DGKB: variants seen among roughly 807,000 people sequenced by gnomAD.
DGKB encodes 90 kDa diacylglycerol kinase.
A neutral mutation model predicts 114.3 loss-of-function variants in DGKB; 67 were observed. The observed-to-expected ratio is 0.59, with a 90% confidence interval of 0.48 to 0.72. The LOEUF (loss-of-function observed/expected upper bound fraction) is 0.72. Ranked by LOEUF, DGKB falls within the 30% of genes least tolerant of loss-of-function variation. DGKB has a pLI of 0.00. For synonymous variants in DGKB, 398 were observed against 323.1 expected, an observed-to-expected ratio of 1.23 and a Z score of -2.49; for missense variants, 907 against 975.2, an observed-to-expected ratio of 0.93 and a Z score of 0.93.
intron 13 of DGKB, among the ~76,000 whole-genome samples, chr7:14,655,530 T>C (rs1247050749): frequency 2.0e-5 from 3 of 151,674 alleles, no homozygotes; most frequent in Non-Finnish European, 3.0e-5. Context: ...AATCCTGTTA[T>C]TGGGTATTTA....
intron 6 of DGKB, among the ~76,000 whole-genome samples, chr7:14,714,963 AT>A (rs2128341551): frequency 6.6e-6 from 1 of 152,290 alleles, no homozygotes; most frequent in Non-Finnish European, 1.5e-5. Flanking sequence ...ATGGGAAGTA[AT>A]AAGTGTGAAG....
At chr7:14,566,872 C>A (rs1267402353) in intron 20 of DGKB, among the ~76,000 whole-genome samples, 1 of 151,702 alleles carries the variant, frequency 6.6e-6, no homozygotes, top group African/African-American at 2.4e-5. Context: ...CAGATCTCTT[C>A]TTAAATGCAT....
At chr7:14,236,565 A>G (rs1792817610) in intron 23 of DGKB, among the ~76,000 whole-genome samples, 1 of 151,986 alleles carries the variant, frequency 6.6e-6, no homozygotes, top group Non-Finnish European at 1.5e-5. Flanking sequence ...ATAGTTCTGT[A>G]ATTTTCGTGA....
chr7:14,672,886 A>C (rs1000312578), intron 13 of DGKB, 43 bp downstream of exon 13: 8 of 1,208,002 alleles, frequency 6.6e-6, no homozygotes, highest in Non-Finnish European at 6.0e-6. Flanking sequence ...CTGATAAGTC[A>C]CAGCAATCCT....
chr7:14,888,987 G>A (rs568994159), intron 1 of DGKB, among the ~76,000 whole-genome samples: 2 of 151,660 alleles, frequency 1.3e-5, no homozygotes, highest in South Asian at 2.1e-4. Context: ...ATGGATTGTA[G>A]CAGCCAGGAA....
Position 14,827,540 on chromosome 7 carries a change from C to T in DGKB, c.70+13654G>A, listed in dbSNP as rs185720818. Among the ~76,000 whole-genome samples, 4 of 152,190 alleles carry T rather than the reference C, an allele frequency of 2.6e-5. 1 individual carries two copies. In the East Asian group the frequency reaches 7.7e-4, roughly 29 times the overall value. On this transcript the variant is annotated intron_variant, in intron 2 of 25. Transcript: ENST00000402815. Reference sequence around the variant, plus strand: ...CTACTCTTTGAAAATGCTGTTTCTACTCCAAAGTCATAACTAACCCATATT... The same window carrying T: ...CTACTCTTTGAAAATGCTGTTTCTATTCCAAAGTCATAACTAACCCATATT...
intron 2 of DGKB, among the ~76,000 whole-genome samples, chr7:14,781,078 T>C (rs1839016252): frequency 6.6e-6 from 1 of 152,252 alleles, no homozygotes; most frequent in South Asian, 2.1e-4. Flanking sequence ...TGGCAATAAG[T>C]ACCTATGGTT....
chr7:14,717,823 A>G, intron 6 of DGKB, among the ~76,000 whole-genome samples: 1 of 152,110 alleles, frequency 6.6e-6, no homozygotes. Flanking sequence ...AACCTCAGAG[A>G]TAGAATAGAT....
chr7:14,270,740 C>T (rs1025850751), intron 23 of DGKB, among the ~76,000 whole-genome samples: 4 of 152,188 alleles, frequency 2.6e-5, no homozygotes, highest in Admixed American at 1.3e-4. Context: ...AAATAGATGT[C>T]CTGAAGGCCT....
At chr7:14,244,822 T>C (rs545015773) in intron 23 of DGKB, among the ~76,000 whole-genome samples, 1 of 152,126 alleles carries the variant, frequency 6.6e-6, no homozygotes, top group East Asian at 1.9e-4. Context: ...CTCTTCTCTA[T>C]GAAAAGTGGT....
chr7:14,676,835 G>A (rs1007281762), intron 12 of DGKB, among the ~76,000 whole-genome samples: 3 of 151,510 alleles, frequency 2.0e-5, no homozygotes, highest in African/African-American at 2.4e-5. Context: ...AACCAATAGC[G>A]CACCAGAGAA....
At chr7:14,825,024 A>ATC (rs1845486006) in intron 2 of DGKB, among the ~76,000 whole-genome samples, 1 of 113,936 alleles carries the variant, frequency 8.8e-6, no homozygotes, top group Admixed American at 9.7e-5. Context: ...ATGTATATAT[A>ATC]TATATATATA....
At chr7:14,701,636 G>GA in intron 7 of DGKB, 45 bp downstream of exon 7, 1 of 1,403,806 alleles carries the variant, frequency 7.1e-7, no homozygotes. Context: ...TTCTTCAGAA[G>GA]AAAATCTTTG....
At chr7:14,667,357 T>C (rs1018144793) in intron 13 of DGKB, among the ~76,000 whole-genome samples, 5 of 151,998 alleles carry the variant, frequency 3.3e-5, no homozygotes, top group African/African-American at 1.2e-4. Flanking sequence ...ACGCTGTATT[T>C]ATAGAGGTCA....
chr7:14,196,464 C>G (rs932142450), intron 23 of DGKB, among the ~76,000 whole-genome samples: 4 of 152,056 alleles, frequency 2.6e-5, no homozygotes, highest in Non-Finnish European at 4.4e-5. Flanking sequence ...CTCCTCCCCC[C>G]ACACTCCCTT....
At chr7:14,714,309 T>C (rs1466061764) in intron 6 of DGKB, among the ~76,000 whole-genome samples, 1 of 152,104 alleles carries the variant, frequency 6.6e-6, no homozygotes, top group African/African-American at 2.4e-5. Context: ...GTTTGTCTGA[T>C]GATAGAAAAG....
At chr7:14,973,731 C>T (rs1348732330) in intron 1 of DGKB, among the ~76,000 whole-genome samples, 1 of 148,482 alleles carries the variant, frequency 6.7e-6, no homozygotes, top group African/African-American at 2.4e-5. Context: ...AGATTACAGC[C>T]CATATTATAT....
chr7:14,277,366 C>A (rs1046613009), intron 23 of DGKB, among the ~76,000 whole-genome samples: 1 of 151,950 alleles, frequency 6.6e-6, no homozygotes, highest in Non-Finnish European at 1.5e-5. Flanking sequence ...TAGAGACAGT[C>A]TTTGCCATAT....
chr7:14,244,849 A>G (rs79138945), intron 23 of DGKB, among the ~76,000 whole-genome samples: 2,993 of 152,038 alleles, frequency 0.02, 48 homozygotes, highest in Non-Finnish European at 0.03. Flanking sequence ...CTAGACACCA[A>G]ATATATTGGA....
Sources: allele counts gnomAD v4.1 joint callset (sites outside exome capture counted in the v4.1 genomes callset), GRCh38; gene constraint gnomAD v4.1.1; transcripts MANE v1.5; gene names NCBI Gene and HGNC (gene_info 2026-07-23, HGNC 2026-07-21).